KCNG2: variants seen among roughly 807,000 people sequenced by gnomAD.
The protein encoded by KCNG2 is voltage-gated potassium channel regulatory subunit KCNG2.
Under a neutral mutation model 12.3 loss-of-function variants are expected in KCNG2, and 7 were observed. The observed-to-expected ratio is 0.57, with a 90% CI of 0.32 to 1.07. KCNG2 has a LOEUF of 1.07. KCNG2 is among the 50% of genes least tolerant of loss of function. The pLI is 0.04. For missense variants in KCNG2, 703 were observed against 726.0 expected (o/e 0.97, Z 0.36); for synonymous variants, 414 against 351.4 (o/e 1.18, Z -1.99).
Position 79,899,747 on chromosome 18 carries a change from G to C in KCNG2, c.1332G>C (p.Ser444=). ...CGGCCACAGCCACCGAGGACAGCTC[G>C]CAGGGCCCCGACAGCGCGGGCCTGG... ...THSATATEDS[S]QGPDSAGLAD... is the part of the protein sequence containing the mutation. The change falls in exon 4 of 4, where the codon TCG becomes TCC. Residue 444 remains serine, a synonymous_variant. Coordinates refer to ENST00000316249, the MANE Select transcript of KCNG2 (RefSeq NM_012283.2). 6.3e-7 allele frequency: 1 copy of C among 1,585,792 alleles called. No individual in the cohort carries two copies. Among genetic ancestry groups the C allele is most frequent in the Non-Finnish European group, 8.5e-7 (1 of 1,170,720 alleles).
At chr18:79,892,567 GGTT>G in intron 3 of KCNG2, among the ~76,000 whole-genome samples, 1 of 152,138 alleles carries the variant, frequency 6.6e-6, no homozygotes, top group Admixed American at 6.5e-5. Context: ...CTTTTAATTG[GGTT>G]GTTCAAGCCA....
rs184093522 is a variant in KCNG2, at chr18:79,898,503, C to T, written c.625-537C>T. Among the ~76,000 whole-genome samples, 187 of 152,290 alleles carry T rather than the reference C, an allele frequency of 1.2e-3. 1 individual carries two copies. The highest frequency in any genetic ancestry group is 7.4e-3 in the East Asian group (38 of 5,164). Reference sequence around the variant, plus strand: ...AGGACGTAGCCCCAGGAGCTGAGGGCGGAATGTGAGATGCTGATGTCAGCC... The same window carrying T: ...AGGACGTAGCCCCAGGAGCTGAGGGTGGAATGTGAGATGCTGATGTCAGCC... On this transcript the variant is annotated intron_variant, in intron 3 of 3. Transcript: ENST00000316249.
At chr18:79,877,076 C>T (rs1980103729) in intron 3 of KCNG2, among the ~76,000 whole-genome samples, 1 of 152,222 alleles carries the variant, frequency 6.6e-6, no homozygotes, top group South Asian at 2.1e-4. Context: ...TGTTTTGAAA[C>T]AGTTTGTTCC....
chr18:79,867,083 AGAGGTCTGGGTGCT>A (rs1375588209), intron 3 of KCNG2, among the ~76,000 whole-genome samples: 23 of 144,392 alleles, frequency 1.6e-4, no homozygotes, highest in Middle Eastern at 4.1e-3. Flanking sequence ...CTGGGTGCTG[AGAGGTCTGGGTGCT>A]GAGGTCTGGG....
chr18:79,876,819 G>T (rs1980092505), intron 3 of KCNG2, among the ~76,000 whole-genome samples: 1 of 152,224 alleles, frequency 6.6e-6, no homozygotes. Context: ...CATGGTGTTT[G>T]GCACAGAACA....
intron 3 of KCNG2, among the ~76,000 whole-genome samples, chr18:79,891,931 A>T (rs1980756185): frequency 6.6e-6 from 1 of 151,962 alleles, no homozygotes; most frequent in South Asian, 2.1e-4. Context: ...TCTCCTGTGT[A>T]CTTGTTCTAC....
At chr18:79,873,099 A>G (rs1979916304) in intron 3 of KCNG2, among the ~76,000 whole-genome samples, 1 of 152,166 alleles carries the variant, frequency 6.6e-6, no homozygotes, top group African/African-American at 2.4e-5. Context: ...GATGGGCAGC[A>G]GGGTGGGCCA....
At chr18:79,898,913 C>G (rs778656680) in intron 3 of KCNG2, 127 bp from the exon 4 acceptor site, 6 of 667,526 alleles carry the variant, frequency 9.0e-6, no homozygotes, top group Non-Finnish European at 1.4e-5. Context: ...CCCCTGCACC[C>G]GCTTCCGTGG....
chr18:79,864,342 G>T, intron 3 of KCNG2, 51 bp downstream of exon 3: 1 of 1,328,750 alleles, frequency 7.5e-7, no homozygotes, highest in South Asian at 1.4e-5. Flanking sequence ...GGGCTGGGCT[G>T]GGATCTGGGC....
intron 1 of KCNG2, among the ~76,000 whole-genome samples, chr18:79,810,031 C>A (rs945127507): frequency 2.0e-5 from 3 of 152,216 alleles, no homozygotes; most frequent in Non-Finnish European, 4.4e-5. Flanking sequence ...GAGCCGCCCG[C>A]CCATTGCGCT....
chr18:79,825,099 G>A (rs995552645), intron 1 of KCNG2, among the ~76,000 whole-genome samples: 6 of 151,802 alleles, frequency 4.0e-5, no homozygotes, highest in African/African-American at 1.2e-4. Context: ...TGCTTTGATA[G>A]GACAGTCAGT....
At chr18:79,843,309 G>A (rs905436203) in intron 1 of KCNG2, among the ~76,000 whole-genome samples, 8 of 152,160 alleles carry the variant, frequency 5.3e-5, no homozygotes, top group African/African-American at 1.9e-4. Context: ...CAAAAGCTTA[G>A]GGAGTTTATC....
chr18:79,853,420 A>C (rs1978894964), intron 1 of KCNG2, among the ~76,000 whole-genome samples: 1 of 152,036 alleles, frequency 6.6e-6, no homozygotes, highest in South Asian at 2.1e-4. Flanking sequence ...CAGGCAGAGG[A>C]ATGGCTGTGC....
intron 1 of KCNG2, among the ~76,000 whole-genome samples, chr18:79,811,522 C>T (rs1426841708): frequency 6.6e-6 from 1 of 151,994 alleles, no homozygotes; most frequent in African/African-American, 2.4e-5. Flanking sequence ...ATTCCACATA[C>T]AAGAGAATAA....
At chr18:79,826,378 G>A (rs555255526) in intron 1 of KCNG2, among the ~76,000 whole-genome samples, 5 of 152,370 alleles carry the variant, frequency 3.3e-5, no homozygotes, top group African/African-American at 1.2e-4. Context: ...CCCTTCCCAG[G>A]CCTGCCCAGC....
chr18:79,815,256 T>C lies in KCNG2; in HGVS notation c.-115+17242T>C, dbSNP rs192095089. Among the ~76,000 whole-genome samples, 375 of 152,032 alleles carry C rather than the reference T, an allele frequency of 2.5e-3. 2 individuals carry two copies. The highest frequency in any genetic ancestry group is 0.01 in the Middle Eastern group (3 of 294). ...GAGTTCAAGATCAGCCTGGGCAACA[T>C]AGTGAGATGCTCTCTCTACAAAAAA... On this transcript the variant is annotated intron_variant, in intron 1 of 3. Transcript: ENST00000316249.
chr18:79,827,950 G>A (rs1374206314), intron 1 of KCNG2, among the ~76,000 whole-genome samples: 1 of 128,264 alleles, frequency 7.8e-6, no homozygotes, highest in Non-Finnish European at 1.6e-5. Context: ...TTGAGATGTA[G>A]TCTCCCTCTG....
intron 1 of KCNG2, among the ~76,000 whole-genome samples, chr18:79,798,261 C>T (rs1421126874): frequency 5.9e-5 from 9 of 151,702 alleles, no homozygotes; most frequent in Admixed American, 5.9e-4. Flanking sequence ...TCCCGCTCAG[C>T]GCCCAGAGTC....
At chr18:79,811,547 C>A (rs1259424174) in intron 1 of KCNG2, among the ~76,000 whole-genome samples, 1 of 151,954 alleles carries the variant, frequency 6.6e-6, no homozygotes, top group Non-Finnish European at 1.5e-5. Context: ...CCAAAATGTC[C>A]ATGATACAAT....
Sources: gnomAD v4.1 joint callset for allele counts (sites outside exome capture counted in the v4.1 genomes callset) on GRCh38, gnomAD v4.1.1 for gene constraint, MANE v1.5 for transcripts, NCBI Gene and HGNC (gene_info 2026-07-23, HGNC 2026-07-21) for gene names.